Variants in PTPRM observed in about 807,000 individuals in gnomAD.
PTPRM encodes protein tyrosine phosphatase receptor type M.
Under a neutral mutation model 186.7 loss-of-function variants are expected in PTPRM, and 47 were observed. The ratio of observed to expected loss-of-function variants is 0.25; its 90% CI spans 0.20 to 0.32. PTPRM has a LOEUF of 0.32. PTPRM is among the 10% of genes least tolerant of loss of function. The pLI, the probability that PTPRM is intolerant of heterozygous loss-of-function variation, is 1.00. For synonymous variants in PTPRM, 668 were observed against 674.9 expected (o/e 0.99, Z 0.16); for missense variants, 1,494 against 1,865.0 (o/e 0.80, Z 3.66).
At chr18:7,879,918 A>C (rs2146270781) in intron 2 of PTPRM, among the ~76,000 whole-genome samples, 1 of 152,280 alleles carries the variant, frequency 6.6e-6, no homozygotes. Context: ...AAGAGGTTTA[A>C]TTGACTCACT....
chr18:8,034,271 C>CATCTAAAA (rs1327892981), intron 7 of PTPRM, among the ~76,000 whole-genome samples: 3 of 151,964 alleles, frequency 2.0e-5, no homozygotes, highest in Non-Finnish European at 4.4e-5. Flanking sequence ...GTGTAAAATA[C>CATCTAAAA]GTTCACCCTA....
Position 7,934,066 on chromosome 18 carries a change from T to C in PTPRM, c.663+7383T>C, listed in dbSNP as rs1230973320. On this transcript the variant is annotated intron_variant, in intron 5 of 32. Transcript: ENST00000580170. ...GCCGTGGCATCCACATTAAACGTTA[T>C]AGACATACACCTTTATTTTTTTCCA... is the stretch of plus-strand genomic sequence containing the variant. 4.6e-5 allele frequency among the ~76,000 whole-genome samples: 7 copies of C among 152,330 alleles called. No homozygotes were observed. The South Asian group carries it at 8.3e-4, about 18-fold the overall frequency.
chr18:8,190,802 A>G (rs2146702928), intron 14 of PTPRM, among the ~76,000 whole-genome samples: 1 of 152,354 alleles, frequency 6.6e-6, no homozygotes, highest in Middle Eastern at 3.4e-3. Context: ...TTCAGAGAAT[A>G]TATGTGGGGA....
intron 2 of PTPRM, among the ~76,000 whole-genome samples, chr18:7,877,652 A>G (rs1415538023): frequency 2.6e-5 from 4 of 152,196 alleles, no homozygotes; most frequent in African/African-American, 9.6e-5. Context: ...CACTTACTCA[A>G]GGACATACAA....
At chr18:8,202,713 T>C (rs548584863) in intron 14 of PTPRM, among the ~76,000 whole-genome samples, 2 of 151,512 alleles carry the variant, frequency 1.3e-5, no homozygotes, top group Non-Finnish European at 2.9e-5. Flanking sequence ...CAGCTTTTTA[T>C]TTCTTTACAG....
chr18:8,007,701 A>G (rs1244623548), intron 7 of PTPRM, among the ~76,000 whole-genome samples: 1 of 152,166 alleles, frequency 6.6e-6, no homozygotes, highest in East Asian at 1.9e-4. Context: ...AAGCATGGAG[A>G]TAGCTAACAG....
At chr18:8,141,291 C>T (rs2092760950) in intron 13 of PTPRM, among the ~76,000 whole-genome samples, 1 of 152,160 alleles carries the variant, frequency 6.6e-6, no homozygotes, top group Non-Finnish European at 1.5e-5. Flanking sequence ...CCCAGGCAGC[C>T]CTCCCACCTT....
chr18:8,139,448 C>A (rs1940182483), intron 13 of PTPRM, among the ~76,000 whole-genome samples: 1 of 152,184 alleles, frequency 6.6e-6, no homozygotes, highest in South Asian at 2.1e-4. Flanking sequence ...CCGTGGCCCG[C>A]TACAGCCTGC....
chr18:8,094,789 A>G (rs1942957), intron 11 of PTPRM, among the ~76,000 whole-genome samples: 12,594 of 152,238 alleles, frequency 0.083, 603 homozygotes, highest in South Asian at 0.12. Flanking sequence ...TTAAGGAGGA[A>G]ACTTCTAATA....
chr18:8,054,195 T>C (rs944105020), intron 7 of PTPRM, among the ~76,000 whole-genome samples: 1 of 150,992 alleles, frequency 6.6e-6, no homozygotes, highest in Non-Finnish European at 1.5e-5. Flanking sequence ...TGGCACGATG[T>C]TGATTTTACC....
chr18:7,818,496 G>A (rs1038475941), intron 2 of PTPRM, among the ~76,000 whole-genome samples: 3 of 152,196 alleles, frequency 2.0e-5, no homozygotes, highest in Admixed American at 6.5e-5. Flanking sequence ...ACTGGACTCT[G>A]AGGTTGTATT....
chr18:7,705,185 A>G (rs2040050546), intron 1 of PTPRM, among the ~76,000 whole-genome samples: 1 of 152,162 alleles, frequency 6.6e-6, no homozygotes. Flanking sequence ...AAATAAATAT[A>G]TCAAACGAGA....
intron 14 of PTPRM, among the ~76,000 whole-genome samples, chr18:8,181,013 C>T (rs2093565653): frequency 6.6e-6 from 1 of 152,284 alleles, no homozygotes; most frequent in South Asian, 2.1e-4. Flanking sequence ...CTGAGTTAGG[C>T]TTTCAGTTAA....
At chr18:8,072,663 T>A (rs2089557691) in intron 8 of PTPRM, among the ~76,000 whole-genome samples, 2 of 152,174 alleles carry the variant, frequency 1.3e-5, no homozygotes, top group Admixed American at 1.3e-4. Context: ...TTGTGAGTTT[T>A]ATTATAGTAT....
Position 8,354,569 on chromosome 18 carries a change from G to A in PTPRM, c.3054+11049G>A, listed in dbSNP as rs143518237. ...TGCTAAATGTTTCACAAGCCCTATT[G>A]CTCTTATCACAGCTACCCTGAGTAC... On this transcript the variant is annotated intron_variant, in intron 23 of 32. Transcript: ENST00000580170. 9.9e-5 allele frequency among the ~76,000 whole-genome samples: 15 copies of A among 152,276 alleles called. No individual in the cohort carries two copies. In the East Asian group the frequency reaches 2.5e-3, roughly 26 times the overall value.
chr18:8,178,661 C>T (rs2093525202), intron 14 of PTPRM, among the ~76,000 whole-genome samples: 1 of 152,008 alleles, frequency 6.6e-6, no homozygotes, highest in Non-Finnish European at 1.5e-5. Context: ...GTGGTATGTG[C>T]CTGTAATCCC....
intron 1 of PTPRM, among the ~76,000 whole-genome samples, chr18:7,772,505 C>CCTTCCTTCCTTT (rs2042375891): frequency 8.4e-6 from 1 of 118,402 alleles, no homozygotes; most frequent in Non-Finnish European, 1.6e-5. Context: ...TTCCTTCCTT[C>CCTTCCTTCCTTT]TTTTTTTTCT....
At chr18:7,784,975 A>G (rs1016254480) in intron 2 of PTPRM, among the ~76,000 whole-genome samples, 1 of 152,168 alleles carries the variant, frequency 6.6e-6, no homozygotes, top group Non-Finnish European at 1.5e-5. Flanking sequence ...AAGAGGGGCA[A>G]GAGAAGGTGA....
intron 1 of PTPRM, among the ~76,000 whole-genome samples, chr18:7,657,099 T>C (rs1164790096): frequency 6.6e-6 from 1 of 152,152 alleles, no homozygotes; most frequent in African/African-American, 2.4e-5. Flanking sequence ...TGAGAGAAAA[T>C]AGTTGTGTCC....
Sources: gnomAD v4.1 joint callset for allele counts (sites outside exome capture counted in the v4.1 genomes callset) on GRCh38, gnomAD v4.1.1 for gene constraint, MANE v1.5 for transcripts, NCBI Gene and HGNC (gene_info 2026-07-23, HGNC 2026-07-21) for gene names.